LRP1B: variants seen among roughly 807,000 people sequenced by gnomAD.
LRP1B encodes LDL receptor related protein 1B.
A neutral mutation model predicts 556.6 loss-of-function variants in LRP1B; 217 were observed. The observed-to-expected ratio is 0.39, with a 90% CI of 0.35 to 0.44. The LOEUF (loss-of-function observed/expected upper bound fraction) is 0.44. Ranked by LOEUF, LRP1B falls within the 20% of genes least tolerant of loss-of-function variation. The probability of loss-of-function intolerance (pLI) is 1.00; values close to 1 mark genes in which losing one functional copy is unlikely to be tolerated. For synonymous variants in LRP1B, 2,047 were observed against 1,865.8 expected (o/e 1.10, Z -2.50); for missense variants, 5,053 against 5,620.8 (o/e 0.90, Z 3.23).
At chr2:141,106,142 G>T (rs1700596987) in intron 7 of LRP1B, among the ~76,000 whole-genome samples, 1 of 152,004 alleles carries the variant, frequency 6.6e-6, no homozygotes, top group South Asian at 2.1e-4. Flanking sequence ...TAATTTAAAG[G>T]CTCAGTCTCA....
rs548467443 is a variant in LRP1B, at chr2:140,315,113, G to A, written c.12641-14C>T. 6.4e-7 allele frequency: 1 copy of A among 1,571,894 alleles called. No individual in the cohort carries two copies. The highest frequency in any genetic ancestry group is 8.7e-7 in the Non-Finnish European group (1 of 1,153,322). ...TACATGAATCATCTGTTTATGAGAAGAAATGTACAAATTAGCATGTTTTCA... is the reference window on the plus strand; with the variant it reads ...TACATGAATCATCTGTTTATGAGAAAAAATGTACAAATTAGCATGTTTTCA... On this transcript the variant is annotated splice_polypyrimidine_tract_variant and intron_variant, in intron 82 of 90. Coordinates refer to ENST00000389484, the MANE Select transcript of LRP1B (RefSeq NM_018557.3).
At chr2:141,672,734 T>A (rs530832691) in intron 2 of LRP1B, among the ~76,000 whole-genome samples, 109 of 152,290 alleles carry the variant, frequency 7.2e-4, no homozygotes, top group African/African-American at 2.5e-3. Flanking sequence ...GTAAATTAAA[T>A]CGCAACTTTC....
chr2:140,597,510 T>C (rs1397591102), intron 43 of LRP1B, among the ~76,000 whole-genome samples: 1 of 152,214 alleles, frequency 6.6e-6, no homozygotes, highest in Non-Finnish European at 1.5e-5. Context: ...AGAATTTCTA[T>C]GCTGCATTCT....
At chr2:141,096,445 C>T (rs1181568463) in intron 7 of LRP1B, among the ~76,000 whole-genome samples, 2 of 151,780 alleles carry the variant, frequency 1.3e-5, no homozygotes, top group African/African-American at 4.8e-5. Context: ...AAAATTATCC[C>T]GGGATGATGA....
chr2:140,766,956 A>G (rs73961486), intron 35 of LRP1B, among the ~76,000 whole-genome samples: 12,745 of 150,370 alleles, frequency 0.085, 876 homozygotes, highest in African/African-American at 0.18. Flanking sequence ...AACATATATC[A>G]GGCACTTTAT....
intron 6 of LRP1B, among the ~76,000 whole-genome samples, chr2:141,205,898 T>C (rs2105237089): frequency 6.6e-6 from 1 of 152,306 alleles, no homozygotes; most frequent in Non-Finnish European, 1.5e-5. Flanking sequence ...GATGCCATCT[T>C]TCTTCCTGCC....
chr2:140,593,116 T>C (rs1372562644), intron 43 of LRP1B, among the ~76,000 whole-genome samples: 1 of 152,178 alleles, frequency 6.6e-6, no homozygotes, highest in East Asian at 1.9e-4. Context: ...TCAGAGCATG[T>C]TTATTTAGGG....
In LRP1B at chr2:140,795,612, G is replaced by T. The variant is rs182403778; in HGVS notation, c.5359+18045C>A. ...AGAGAAAAACAAGTCTAAACACAAT[G>T]ATATTCAGGCACTCATTATTTTTAA... is the stretch of plus-strand genomic sequence containing the variant. On this transcript the variant is annotated intron_variant, in intron 32 of 90. Coordinates refer to ENST00000389484, the MANE Select transcript of LRP1B (RefSeq NM_018557.3). Among the ~76,000 whole-genome samples, 641 of 152,192 alleles carry T rather than the reference G, an allele frequency of 4.2e-3. 4 individuals are homozygous for T. Among genetic ancestry groups the T allele is most frequent in the Admixed American group, 6.1e-3 (94 of 15,288 alleles).
intron 3 of LRP1B, among the ~76,000 whole-genome samples, chr2:141,291,381 G>A (rs1258183716): frequency 1.3e-5 from 2 of 152,156 alleles, no homozygotes; most frequent in East Asian, 3.9e-4. Flanking sequence ...TGTAATTTGT[G>A]TAAAATTTTT....
chr2:141,207,791 T>G (rs1682349064), intron 6 of LRP1B, among the ~76,000 whole-genome samples: 1 of 152,186 alleles, frequency 6.6e-6, no homozygotes, highest in Non-Finnish European at 1.5e-5. Context: ...TTCTCCTGCC[T>G]CAGCCTCCCG....
At chr2:141,024,508 T>G (rs949491637) in intron 11 of LRP1B, among the ~76,000 whole-genome samples, 1 of 152,024 alleles carries the variant, frequency 6.6e-6, no homozygotes, top group South Asian at 2.1e-4. Context: ...CATCACTCTA[T>G]GACATTCAGT....
At chr2:141,048,949 C>G (rs1574020163) in intron 11 of LRP1B, 37 bp downstream of exon 11, 1 of 1,460,734 alleles carries the variant, frequency 6.8e-7, no homozygotes. Context: ...TGCTTCATCT[C>G]TGGGTAGTTT....
intron 2 of LRP1B, among the ~76,000 whole-genome samples, chr2:141,592,735 T>A (rs1269443004): frequency 1.3e-5 from 2 of 152,180 alleles, no homozygotes; most frequent in East Asian, 3.9e-4. Flanking sequence ...GAAATTCCTT[T>A]ATTCCTCCCA....
chr2:140,269,017 C>A (rs1482266178), intron 86 of LRP1B, among the ~76,000 whole-genome samples: 1 of 151,918 alleles, frequency 6.6e-6, no homozygotes, highest in Admixed American at 6.6e-5. Flanking sequence ...TATTTTCTAG[C>A]AAATGTATTT....
intron 5 of LRP1B, among the ~76,000 whole-genome samples, chr2:141,240,447 T>C (rs371419935): frequency 2.6e-5 from 4 of 152,106 alleles, no homozygotes; most frequent in African/African-American, 9.6e-5. Flanking sequence ...TATACTTTTA[T>C]ATTTTTCCCA....
chr2:140,782,081 T>C (rs1273565265), intron 32 of LRP1B, among the ~76,000 whole-genome samples: 1 of 152,194 alleles, frequency 6.6e-6, no homozygotes, highest in Non-Finnish European at 1.5e-5. Context: ...CACACTGTTA[T>C]TGACATGAAG....
intron 35 of LRP1B, among the ~76,000 whole-genome samples, chr2:140,755,809 T>G (rs1170146343): frequency 6.6e-6 from 1 of 151,992 alleles, no homozygotes; most frequent in Non-Finnish European, 1.5e-5. Context: ...CATTTCTGTT[T>G]AACATAGTAC....
chr2:141,645,235 G>A (rs1689509698), intron 2 of LRP1B, among the ~76,000 whole-genome samples: 2 of 151,978 alleles, frequency 1.3e-5, no homozygotes, highest in Admixed American at 6.6e-5. Context: ...TCCTTTCAGT[G>A]GGAATTTATT....
At chr2:141,679,647 T>C (rs544580938) in intron 2 of LRP1B, among the ~76,000 whole-genome samples, 11 of 152,158 alleles carry the variant, frequency 7.2e-5, no homozygotes, top group South Asian at 2.1e-4. Flanking sequence ...AGCATGCACA[T>C]TGAGGGTTGC....
Sources: gnomAD v4.1 joint callset for allele counts (sites outside exome capture counted in the v4.1 genomes callset) on GRCh38, gnomAD v4.1.1 for gene constraint, MANE v1.5 for transcripts, NCBI Gene and HGNC (gene_info 2026-07-23, HGNC 2026-07-21) for gene names.